Variants in SEC24B observed in about 807,000 individuals in gnomAD.
SEC24B encodes the protein protein transport protein Sec24B.
In SEC24B, 45 loss-of-function variants were observed where a neutral mutation model predicts 142.8. That is an observed-to-expected ratio of 0.32 (90% confidence interval 0.25 to 0.40). The LOEUF (loss-of-function observed/expected upper bound fraction) is 0.40, where lower values mean the gene tolerates loss of function less well. Ranked by LOEUF, SEC24B falls within the 10% of genes least tolerant of loss-of-function variation. The pLI is 1.00. For missense variants in SEC24B, 1,409 were observed against 1,526.8 expected (o/e 0.92, Z 1.29); for synonymous variants, 574 against 568.2 (o/e 1.01, Z -0.15).
chr4:109,488,542 T>G (rs556199024), intron 4 of SEC24B, among the ~76,000 whole-genome samples: 1 of 152,284 alleles, frequency 6.6e-6, no homozygotes, highest in Non-Finnish European at 1.5e-5. Flanking sequence ...GTTTCTGCTT[T>G]TTGGCTGTTA....
chr4:109,514,669 G>T (rs925161294), intron 10 of SEC24B, among the ~76,000 whole-genome samples: 1 of 152,212 alleles, frequency 6.6e-6, no homozygotes, highest in Admixed American at 6.5e-5. Flanking sequence ...TGGCACACCA[G>T]CCTGGGCAAC....
chr4:109,530,895 C>CAAAAAA (rs35997146), intron 19 of SEC24B, among the ~76,000 whole-genome samples: 163 of 46,136 alleles, frequency 3.5e-3, no homozygotes, highest in Non-Finnish European at 4.4e-3. Context: ...GACTCCGTCT[C>CAAAAAA]AAAAAAAAAA....
chr4:109,491,270 C>T (rs1315495081), intron 4 of SEC24B, 57 bp from the exon 5 acceptor site: 17 of 1,362,906 alleles, frequency 1.2e-5, no homozygotes, highest in Non-Finnish European at 1.5e-5. Context: ...TTGCCAAAGG[C>T]TGCTTTAAGA....
chr4:109,434,763 A>G (rs764189012), intron 1 of SEC24B, among the ~76,000 whole-genome samples: 1 of 152,192 alleles, frequency 6.6e-6, no homozygotes, highest in African/African-American at 2.4e-5. Context: ...CCACTTTCAG[A>G]GATGAAAAAA....
chr4:109,521,679 A>G (rs1723628542), intron 14 of SEC24B, 53 bp downstream of exon 14: 6 of 1,257,814 alleles, frequency 4.8e-6, no homozygotes, highest in Non-Finnish European at 6.7e-6. Context: ...TTATTTGTTT[A>G]TTCTATTTCA....
Position 109,521,098 on chromosome 4 carries a change from A to G in SEC24B, c.2246-19A>G. ...TCTTTTGTTCGATTTGTTGATTAAA[A>G]TATGTGTTTTCCCTATAGATGTTTT... On this transcript the variant is annotated intron_variant, in intron 12 of 23. Transcript: ENST00000265175. 6.9e-7 allele frequency: 1 copy of G among 1,439,614 alleles called. No homozygotes were observed. Among genetic ancestry groups the G allele is most frequent in the Non-Finnish European group, 9.7e-7 (1 of 1,027,236 alleles). 89.2% of individuals were successfully genotyped at this position (1,439,614 alleles called of 1,614,324 possible).
chr4:109,535,609 G>A (rs1725445509), intron 22 of SEC24B, among the ~76,000 whole-genome samples: 1 of 151,656 alleles, frequency 6.6e-6, no homozygotes, highest in African/African-American at 2.4e-5. Flanking sequence ...AGCACTTTGG[G>A]AGGCCGAGGT....
intron 1 of SEC24B, among the ~76,000 whole-genome samples, chr4:109,453,595 T>C (rs1730357885): frequency 6.6e-6 from 1 of 152,116 alleles, no homozygotes; most frequent in African/African-American, 2.4e-5. Flanking sequence ...GTTATCTCCC[T>C]TGTTCCTGAA....
chr4:109,474,569 C>T lies in SEC24B; in HGVS notation c.1060+1383C>T, dbSNP rs368139371. 3.3e-4 allele frequency among the ~76,000 whole-genome samples: 50 copies of T among 152,074 alleles called. No homozygotes were observed. In the South Asian group the frequency reaches 5.0e-3, roughly 15 times the overall value. ...CCTCCTGGGTAGCTGGGATTACAGGCGCACGCCACCTCGCCCTGCTAATTT... is the reference window on the plus strand; with the variant it reads ...CCTCCTGGGTAGCTGGGATTACAGGTGCACGCCACCTCGCCCTGCTAATTT... On this transcript the variant is annotated intron_variant, in intron 3 of 23. Coordinates refer to ENST00000265175, the MANE Select transcript of SEC24B (RefSeq NM_006323.5).
intron 1 of SEC24B, among the ~76,000 whole-genome samples, chr4:109,462,032 A>C (rs1731311982): frequency 6.6e-6 from 1 of 152,130 alleles, no homozygotes; most frequent in South Asian, 2.1e-4. Flanking sequence ...TCTGTAAAAA[A>C]TAAATAAGTA....
intron 16 of SEC24B, among the ~76,000 whole-genome samples, 192 bp downstream of exon 16, chr4:109,525,696 CA>C (rs1426809047): frequency 6.6e-6 from 1 of 151,868 alleles, no homozygotes; most frequent in East Asian, 1.9e-4. Flanking sequence ...AATAAGTAGA[CA>C]AAAGTAATGT....
chr4:109,537,160 AC>A (rs1725648268), intron 22 of SEC24B, among the ~76,000 whole-genome samples: 1 of 150,016 alleles, frequency 6.7e-6, no homozygotes. Context: ...ACAATATTTA[AC>A]CTCACTCATA....
intron 10 of SEC24B, among the ~76,000 whole-genome samples, chr4:109,515,946 G>T (rs1456071894): frequency 6.6e-6 from 1 of 151,752 alleles, no homozygotes; most frequent in African/African-American, 2.4e-5. Flanking sequence ...TACTCAGGAG[G>T]CTGAGGCAGG....
At position 109,494,811 on chromosome 4, in the gene SEC24B, A is replaced by G. The variant is rs910504626; in HGVS notation, c.1443A>G (p.Val481=). Residue 481 remains valine (V), a synonymous_variant, in exon 6 of 24, where the codon GTA becomes GTG. Transcript: ENST00000265175. The stretch of plus-strand genomic sequence containing the variant: ...CTACAGCACCACTTATTTCTGGAGT[A>G]CAGCCCAGTAACCCGGTATATTCTG... The part of the protein sequence containing the change: ...QNATAPLISG[V]QPSNPVYSGF... The G allele has an allele frequency of 2.5e-6, 4 of 1,614,038 alleles. No homozygotes were observed. In the African/African-American group the frequency reaches 5.3e-5, roughly 22 times the overall value.
intron 1 of SEC24B, among the ~76,000 whole-genome samples, chr4:109,456,364 A>G (rs1214756461): frequency 1.0e-5 from 1 of 96,472 alleles, no homozygotes; most frequent in Non-Finnish European, 2.1e-5. Context: ...ACTCCTTTCC[A>G]GTCTATCTAC....
Position 109,533,582 on chromosome 4 carries a change from TTTC to T in SEC24B, c.3496-8_3496-6del. The T allele has an allele frequency of 6.3e-7, 1 of 1,586,714 alleles. No individual in the cohort carries two copies. The highest frequency in any genetic ancestry group is 1.1e-5 in the South Asian group (1 of 89,572). ...AGGGAGTTTTAATATTTTGTTGCTT[TTTC>T]TTTTTAGGTTTTTTACATTTGGGTT... On this transcript the variant is annotated splice_polypyrimidine_tract_variant and splice_region_variant and intron_variant, in intron 21 of 23. Transcript: ENST00000265175.
intron 1 of SEC24B, among the ~76,000 whole-genome samples, chr4:109,443,756 A>G (rs926335320): frequency 4.6e-5 from 7 of 152,200 alleles, no homozygotes; most frequent in Admixed American, 2.6e-4. Flanking sequence ...AGAGGAAACA[A>G]TTCTTTTTGG....
intron 1 of SEC24B, among the ~76,000 whole-genome samples, chr4:109,443,001 C>G (rs1729081703): frequency 6.6e-6 from 1 of 152,012 alleles, no homozygotes; most frequent in African/African-American, 2.4e-5. Flanking sequence ...TGAAGTTTCT[C>G]CAACTTTATA....
chr4:109,448,335 C>G (rs1729678025), intron 1 of SEC24B, among the ~76,000 whole-genome samples: 1 of 152,058 alleles, frequency 6.6e-6, no homozygotes, highest in Admixed American at 6.6e-5. Flanking sequence ...GAAAATCACT[C>G]TGGCTACGTT....
Sources: gnomAD v4.1 joint callset for allele counts (sites outside exome capture counted in the v4.1 genomes callset) on GRCh38, gnomAD v4.1.1 for gene constraint, MANE v1.5 for transcripts, NCBI Gene and HGNC (gene_info 2026-07-23, HGNC 2026-07-21) for gene names.